The following FANCA variants were observed in gnomAD, a reference collection of about 807,000 sequenced individuals.
The protein encoded by FANCA is FA complementation group A, also known as Fanconi anemia group A protein.
FANCA carries 236 observed loss-of-function variants against 194.3 expected under a neutral mutation model. The observed-to-expected ratio is 1.21, with a 90% CI of 1.09 to 1.35. The LOEUF (loss-of-function observed/expected upper bound fraction) is 1.35. FANCA is among the 40% of genes most tolerant of loss of function. The pLI is 0.00. For synonymous variants in FANCA, 1,014 were observed against 715.8 expected (o/e 1.42, Z -6.65); for missense variants, 2,628 against 1,813.9 (o/e 1.45, Z -8.15).
rs2143225154 is a variant in FANCA, at chr16:89,758,666, G to A, written c.2892C>T (p.Leu964=). Residue 964 remains leucine, a synonymous_variant, in exon 30 of 43, where the codon CTC becomes CTT. Coordinates refer to ENST00000389301, the MANE Select transcript of FANCA (RefSeq NM_000135.4). ...AGCCCCCTGAAGCCGAGGACTCAGG[G>A]AGAAAGTGCTCATGGATCGCCCACT... ...FHQWAIHEHF[L]PESSASGGCD... 2.5e-6 allele frequency: 4 copies of A among 1,614,048 alleles called. No individual in the cohort carries two copies. The highest frequency in any genetic ancestry group is 1.1e-5 in the South Asian group (1 of 91,080).
chr16:89,778,477 A>C (rs1352381721), intron 20 of FANCA: 2 of 333,628 alleles, frequency 6.0e-6, no homozygotes, highest in Non-Finnish European at 1.1e-5. Flanking sequence ...AAAAAAAAAA[A>C]AAAAAAAACT....
At chr16:89,755,411 G>A (rs554205002) in intron 30 of FANCA, among the ~76,000 whole-genome samples, 1 of 151,602 alleles carries the variant, frequency 6.6e-6, no homozygotes, top group South Asian at 2.1e-4. Flanking sequence ...CGCCATGTTG[G>A]CCAGGCTGGT....
Position 89,737,793 on chromosome 16 carries a change from T to A in FANCA, c.*808A>T. On this transcript the variant is annotated 3_prime_UTR_variant, in exon 43 of 43. Coordinates refer to ENST00000389301, the MANE Select transcript of FANCA (RefSeq NM_000135.4). Reference sequence around the variant, plus strand: ...CATCAGGGGCCTGGACTCACTGGACTCTCCCCTCTCAGAGGTGCGGAACTA... The same window carrying A: ...CATCAGGGGCCTGGACTCACTGGACACTCCCCTCTCAGAGGTGCGGAACTA... 6.2e-7 allele frequency: 1 copy of A among 1,614,032 alleles called. No individual in the cohort carries two copies. Among genetic ancestry groups the A allele is most frequent in the Non-Finnish European group, 8.5e-7 (1 of 1,180,000 alleles).
intron 11 of FANCA, among the ~76,000 whole-genome samples, chr16:89,793,484 T>C (rs1310088584): frequency 6.6e-6 from 1 of 152,236 alleles, no homozygotes; most frequent in East Asian, 1.9e-4. Flanking sequence ...GATATTCATA[T>C]GTAATCATAT....
chr16:89,774,100 G>A (rs1362473513), intron 21 of FANCA, among the ~76,000 whole-genome samples: 9 of 152,218 alleles, frequency 5.9e-5, no homozygotes, highest in Non-Finnish European at 2.9e-5. Flanking sequence ...AAGATACGCT[G>A]CATATGTTTT....
At chr16:89,763,723 G>A (rs1386200639) in intron 28 of FANCA, among the ~76,000 whole-genome samples, 1 of 151,944 alleles carries the variant, frequency 6.6e-6, no homozygotes, top group African/African-American at 2.4e-5. Flanking sequence ...CAGATCACGA[G>A]GTCAGGAGGT....
intron 15 of FANCA, among the ~76,000 whole-genome samples, chr16:89,783,940 C>T (rs2039809459): frequency 6.6e-6 from 1 of 151,982 alleles, no homozygotes; most frequent in African/African-American, 2.4e-5. Context: ...TTTGTATTTT[C>T]AGTAGACAGG....
intron 7 of FANCA, among the ~76,000 whole-genome samples, chr16:89,805,010 T>C (rs1432446818): frequency 1.3e-5 from 2 of 152,170 alleles, no homozygotes; most frequent in African/African-American, 4.8e-5. Flanking sequence ...TACTCCAGCC[T>C]GGGCGACAGA....
rs768310747 is a variant in FANCA at position 89,808,370 on chromosome 16, G to A, written c.523-3C>T. 7 of 1,613,724 alleles carry A rather than the reference G, an allele frequency of 4.3e-6. No individual in the cohort carries two copies. The highest frequency in any genetic ancestry group is 2.2e-5 in the East Asian group (1 of 44,888). On this transcript the variant is annotated splice_polypyrimidine_tract_variant and splice_region_variant and intron_variant, in intron 5 of 42. Coordinates refer to ENST00000389301, the MANE Select transcript of FANCA (RefSeq NM_000135.4). ...ACCGCTTCAAGCAACAAAGAACTCTGAAAAACAAAACAAAACAAACAAAAA... is the reference window on the plus strand; with the variant it reads ...ACCGCTTCAAGCAACAAAGAACTCTAAAAAACAAAACAAAACAAACAAAAA...
At chr16:89,779,375 T>G (rs902334080) in intron 18 of FANCA, among the ~76,000 whole-genome samples, 1 of 152,166 alleles carries the variant, frequency 6.6e-6, no homozygotes, top group East Asian at 1.9e-4. Context: ...TTCAAGATGT[T>G]TTGAGATCAT....
intron 33 of FANCA, 120 bp downstream of exon 33, chr16:89,748,539 G>T: frequency 1.2e-6 from 1 of 830,216 alleles, no homozygotes; most frequent in Non-Finnish European, 2.0e-6. Context: ...TTCCCTATTT[G>T]ACTTTGAACC....
At chr16:89,756,104 T>G (rs141869659) in intron 30 of FANCA, among the ~76,000 whole-genome samples, 1 of 152,152 alleles carries the variant, frequency 6.6e-6, no homozygotes, top group African/African-American at 2.4e-5. Context: ...TACAAAAAAT[T>G]ATGGCTATGT....
At chr16:89,765,206 G>T in intron 27 of FANCA, 140 bp from the exon 28 acceptor site, 2 of 1,030,520 alleles carry the variant, frequency 1.9e-6, no homozygotes, top group Non-Finnish European at 2.9e-6. Context: ...CCAGCCCCTG[G>T]GAGGGCGCAA....
chr16:89,778,711 T>G, intron 20 of FANCA, 90 bp downstream of exon 20: 1 of 1,230,034 alleles, frequency 8.1e-7, no homozygotes, highest in Non-Finnish European at 1.2e-6. Flanking sequence ...AATAGTGGTC[T>G]AACAAATTTC....
At chr16:89,739,594 C>A (rs1489796697) in intron 39 of FANCA, 41 bp from the exon 40 acceptor site, 1 of 1,545,906 alleles carries the variant, frequency 6.5e-7, no homozygotes, top group South Asian at 1.2e-5. Context: ...CTGGACATCT[C>A]TGCCTATTAT....
intron 10 of FANCA, chr16:89,798,414 C>T (rs1243483381): frequency 9.3e-7 from 1 of 1,078,568 alleles, no homozygotes; most frequent in Non-Finnish European, 1.1e-6. Flanking sequence ...CGGTACAACA[C>T]ATTTAATTGA....
At chr16:89,744,400 T>C (rs1326744679) in intron 36 of FANCA, among the ~76,000 whole-genome samples, 5 of 151,986 alleles carry the variant, frequency 3.3e-5, no homozygotes, top group Non-Finnish European at 7.4e-5. Context: ...CTCAGAAGGG[T>C]GTGTGAGCCT....
At chr16:89,783,588 G>C (rs1210478310) in intron 15 of FANCA, among the ~76,000 whole-genome samples, 2 of 151,684 alleles carry the variant, frequency 1.3e-5, no homozygotes, top group South Asian at 2.1e-4. Flanking sequence ...ACAATAGAAG[G>C]CTGCTTCCCC....
intron 20 of FANCA, chr16:89,778,427 T>A: frequency 3.1e-6 from 1 of 321,200 alleles, no homozygotes; most frequent in South Asian, 2.4e-5. Context: ...GATTGTGCAA[T>A]TGCACTCCAG....
Sources: gnomAD v4.1 joint callset for allele counts (sites outside exome capture counted in the v4.1 genomes callset) on GRCh38, gnomAD v4.1.1 for gene constraint, MANE v1.5 for transcripts, NCBI Gene and HGNC (gene_info 2026-07-23, HGNC 2026-07-21) for gene names.